Variants in PHEX observed in about 807,000 individuals in gnomAD.
PHEX encodes phosphate regulating endopeptidase X-linked.
A neutral mutation model predicts 68.0 loss-of-function variants in PHEX; 16 were observed. The ratio of observed to expected loss-of-function variants is 0.24; its 90% CI spans 0.16 to 0.36. The LOEUF (loss-of-function observed/expected upper bound fraction) is 0.36, where lower values mean the gene tolerates loss of function less well. PHEX is among the 10% of genes least tolerant of loss of function. The pLI, the probability that PHEX is intolerant of heterozygous loss-of-function variation, is 1.00. For synonymous variants in PHEX, 208 were observed against 205.1 expected (o/e 1.01, Z -0.12); for missense variants, 480 against 575.5 (o/e 0.83, Z 1.70).
At chrX:22,100,260 C>G (rs1930355076) in intron 9 of PHEX, among the ~76,000 whole-genome samples, 2 of 111,531 alleles carry the variant, frequency 1.8e-5, no homozygotes, top group African/African-American at 6.5e-5. Context: ...AGGCCCTCCT[C>G]CATTGAGTCT....
chrX:22,177,224 G>A (rs147337482), intron 13 of PHEX, among the ~76,000 whole-genome samples: 1,181 of 111,334 alleles, frequency 0.011, 10 homozygotes, highest in African/African-American at 0.037. Flanking sequence ...ATATACATTC[G>A]TATCTATAAT....
intron 14 of PHEX, among the ~76,000 whole-genome samples, chrX:22,187,023 A>G (rs1162854293): frequency 8.9e-6 from 1 of 112,202 alleles, no homozygotes; most frequent in Non-Finnish European, 1.9e-5. Flanking sequence ...CTCTTGACCT[A>G]CAAATGTTGG....
At chrX:22,174,940 A>G (rs1002434707) in intron 13 of PHEX, among the ~76,000 whole-genome samples, 1 of 111,920 alleles carries the variant, frequency 8.9e-6, no homozygotes, top group Non-Finnish European at 1.9e-5. Flanking sequence ...ACCAACGAAA[A>G]TAACATTGGA....
At chrX:22,070,380 T>C (rs1196426674) in intron 3 of PHEX, among the ~76,000 whole-genome samples, 1 of 111,746 alleles carries the variant, frequency 8.9e-6, no homozygotes, top group African/African-American at 3.3e-5. Flanking sequence ...GACGTGAAGA[T>C]TTTAGAATGC....
rs7885919 is a variant in PHEX at position 22,151,933 on chromosome X, G to A, written c.1405-16379G>A. On this transcript the variant is annotated intron_variant, in intron 12 of 21. Coordinates refer to ENST00000379374, the MANE Select transcript of PHEX (RefSeq NM_000444.6). ...TAAAAGCATACTTAAAATTCTATCT[G>A]TGTGTGTCTTTTCATCCTTACATCT... 8.0e-3 allele frequency among the ~76,000 whole-genome samples: 896 copies of A among 111,753 alleles called. 9 individuals are homozygous for A. The highest frequency in any genetic ancestry group is 0.026 in the African/African-American group (795 of 30,750).
At chrX:22,099,541 T>G (rs7886874) in intron 9 of PHEX, among the ~76,000 whole-genome samples, 3 of 108,937 alleles carry the variant, frequency 2.8e-5, no homozygotes, top group Non-Finnish European at 5.7e-5. Flanking sequence ...TTTTTAACCA[T>G]TAAGTCACTT....
Position 22,097,015 on chromosome X carries a change from G to A in PHEX, c.910G>A (p.Glu304Lys), listed in dbSNP as rs754106853. ...EAMYNKMNIS[E>K]LSAMIPQFDW... ...CATGTACAACAAAATGAACATTTCT[G>A]AACTGAGTGCTATGATTCCCCAGGT... Residue 304 changes from glutamate to lysine, a missense_variant, in exon 8 of 22, where the codon GAA (glutamate) becomes AAA (lysine). Physicochemically the swap from Glu to Lys is moderately conservative, Grantham distance 56. Coordinates refer to ENST00000379374, the MANE Select transcript of PHEX (RefSeq NM_000444.6). 8.3e-7 allele frequency: 1 copy of A among 1,198,357 alleles called. No individual in the cohort carries two copies. The highest frequency in any genetic ancestry group is 1.8e-5 in the African/African-American group (1 of 56,962).
intron 6 of PHEX, among the ~76,000 whole-genome samples, chrX:22,090,823 C>T (rs190038809): frequency 1.8e-3 from 198 of 111,788 alleles, no homozygotes; most frequent in African/African-American, 5.4e-3. Context: ...AGAAATAAAG[C>T]GTCAGAAGAG....
At chrX:22,051,814 TG>T (rs1468791729) in intron 3 of PHEX, among the ~76,000 whole-genome samples, 1 of 111,721 alleles carries the variant, frequency 9.0e-6, no homozygotes, top group African/African-American at 3.2e-5. Flanking sequence ...TATCTATAAA[TG>T]TAGAGATAAA....
In PHEX at chrX:22,249,455, A is replaced by AAAAAAAAT; in HGVS notation, c.*1503_*1504insAAAAAATA. 1.5e-4 allele frequency: 6 copies of AAAAAAAAT among 39,756 alleles called. No homozygotes were observed. Among genetic ancestry groups the AAAAAAAAT allele is most frequent in the African/African-American group, 5.0e-4 (3 of 6,017 alleles). 3.3% of individuals were successfully genotyped at this position (39,756 alleles called of 1,213,427 possible). A position where few individuals can be genotyped will look rare whatever the true frequency, so the allele number is the denominator to read the frequency against. On this transcript the variant is annotated 3_prime_UTR_variant, in exon 22 of 22. Coordinates refer to ENST00000379374, the MANE Select transcript of PHEX (RefSeq NM_000444.6). ...TTGTGATTCTTTTAAAAAAAAAAAAAATATATATATATATATATATATATA... is the reference window on the plus strand; with the variant it reads ...TTGTGATTCTTTTAAAAAAAAAAAAAAAAAAAATATATATATATATATATATATATATA...
chrX:22,128,382 C>T (rs1051477607), intron 11 of PHEX, among the ~76,000 whole-genome samples: 2 of 111,003 alleles, frequency 1.8e-5, no homozygotes, highest in Non-Finnish European at 3.8e-5. Flanking sequence ...TTTCAAAATG[C>T]ATTAAATTTT....
At chrX:22,100,590 T>C (rs1432944137) in intron 9 of PHEX, among the ~76,000 whole-genome samples, 1 of 111,555 alleles carries the variant, frequency 9.0e-6, no homozygotes, top group African/African-American at 3.3e-5. Flanking sequence ...TAGGTACTTC[T>C]GAACACTGAT....
At chrX:22,054,750 C>T (rs1206227546) in intron 3 of PHEX, among the ~76,000 whole-genome samples, 1 of 111,358 alleles carries the variant, frequency 9.0e-6, no homozygotes, top group African/African-American at 3.3e-5. Flanking sequence ...GTATTGAAGA[C>T]TTTTGGAATG....
At chrX:22,211,945 G>T (rs112175874) in intron 15 of PHEX, among the ~76,000 whole-genome samples, 23,765 of 110,829 alleles carry the variant, frequency 0.21, 2,660 homozygotes, top group African/African-American at 0.43. Context: ...GGGAAACCGC[G>T]CCCATGATTC....
intron 12 of PHEX, among the ~76,000 whole-genome samples, chrX:22,137,337 G>A (rs749053616): frequency 7.1e-4 from 80 of 112,106 alleles, no homozygotes; most frequent in Middle Eastern, 4.6e-3. Context: ...AAAATAGCAG[G>A]ATGGGACTCA....
rs1047642419 is a variant in PHEX at position 22,224,961 on chromosome X, G to T, written c.1900-1482G>T. Among the ~76,000 whole-genome samples, 7 of 112,770 alleles carry T rather than the reference G, an allele frequency of 6.2e-5. 1 individual carries two copies. The highest frequency in any genetic ancestry group is 1.8e-4 in the Admixed American group (2 of 10,845). On this transcript the variant is annotated intron_variant, in intron 18 of 21. Transcript: ENST00000379374. ...CAAATAACATAAATTATCATACAGC[G>T]CTGTATGATTTATTATCATACAGCT...
At chrX:22,142,741 C>G (rs185082840) in intron 12 of PHEX, among the ~76,000 whole-genome samples, 3 of 112,431 alleles carry the variant, frequency 2.7e-5, no homozygotes, top group Non-Finnish European at 3.8e-5. Context: ...GGACAAACTC[C>G]ATGGAACTAT....
intron 9 of PHEX, among the ~76,000 whole-genome samples, chrX:22,107,873 G>A (rs1363323733): frequency 2.7e-5 from 3 of 111,646 alleles, no homozygotes; most frequent in Admixed American, 9.6e-5. Flanking sequence ...TATATATGTG[G>A]GTGCTCAGGA....
rs1412456002 is a variant in PHEX, at chrX:22,063,199, C to T, written c.350-13189C>T. Among the ~76,000 whole-genome samples the T allele has an allele frequency of 2.3e-4, 26 of 112,242 alleles. No individual in the cohort carries two copies. In the Admixed American group the frequency reaches 2.5e-3, roughly 11 times the overall value. The stretch of plus-strand genomic sequence containing the variant: ...GAACCATTCAGAATGACTGCTCTGG[C>T]AGTATGCTTTGCTAGTTGACATTAA... On this transcript the variant is annotated intron_variant, in intron 3 of 21. Transcript: ENST00000379374.
Sources: gnomAD v4.1 joint callset for allele counts (sites outside exome capture counted in the v4.1 genomes callset) on GRCh38, gnomAD v4.1.1 for gene constraint, MANE v1.5 for transcripts, NCBI Gene and HGNC (gene_info 2026-07-23, HGNC 2026-07-21) for gene names.